CLIP2: variants seen among roughly 807,000 people sequenced by gnomAD.
CLIP2 encodes CAP-Gly domain containing linker protein 2.
In CLIP2, 41 loss-of-function variants were observed where a neutral mutation model predicts 111.7. That is an observed-to-expected ratio of 0.37 (90% CI 0.29 to 0.48). The LOEUF (loss-of-function observed/expected upper bound fraction) is 0.48, where lower values mean the gene tolerates loss of function less well. CLIP2 is among the 20% of genes least tolerant of loss of function. The probability of loss-of-function intolerance (pLI) is 0.99; values close to 1 mark genes in which losing one functional copy is unlikely to be tolerated. For missense variants in CLIP2, 1,160 were observed against 1,422.1 expected (o/e 0.82, Z 2.96); for synonymous variants, 660 against 644.2 (o/e 1.02, Z -0.37).
intron 7 of CLIP2, among the ~76,000 whole-genome samples, chr7:74,363,093 C>A (rs1180976136): frequency 6.6e-6 from 1 of 152,048 alleles, no homozygotes; most frequent in Non-Finnish European, 1.5e-5. Context: ...CAACCTCTGC[C>A]TTTTGGGTTC....
chr7:74,390,661 C>T (rs1791269364), intron 13 of CLIP2, among the ~76,000 whole-genome samples: 1 of 150,024 alleles, frequency 6.7e-6, no homozygotes, highest in Admixed American at 6.8e-5. Context: ...GCAGTAAGAC[C>T]CTGTCTCAAA....
At chr7:74,347,354 C>T (rs563575932) in intron 3 of CLIP2, among the ~76,000 whole-genome samples, 12 of 152,254 alleles carry the variant, frequency 7.9e-5, no homozygotes, top group African/African-American at 2.4e-4. Context: ...CTGCAAGCTC[C>T]GCCTCCCGGG....
chr7:74,306,428 C>T (rs984454544), intron 1 of CLIP2, among the ~76,000 whole-genome samples: 9 of 152,176 alleles, frequency 5.9e-5, no homozygotes, highest in African/African-American at 2.2e-4. Context: ...GGGAGAGAGC[C>T]ACGTCCGGGG....
At chr7:74,393,762 A>C (rs1463759568) in intron 13 of CLIP2, among the ~76,000 whole-genome samples, 2 of 152,230 alleles carry the variant, frequency 1.3e-5, no homozygotes, top group Non-Finnish European at 2.9e-5. Context: ...CATTTGCTAC[A>C]AATCTAACAC....
chr7:74,299,179 A>G (rs1388090434), intron 1 of CLIP2, among the ~76,000 whole-genome samples: 1 of 152,054 alleles, frequency 6.6e-6, no homozygotes, highest in African/African-American at 2.4e-5. Context: ...AAAAAATACA[A>G]AAATTAGCCA....
chr7:74,401,738 C>G (rs1791626959), intron 16 of CLIP2, 171 bp downstream of exon 16: 2 of 738,208 alleles, frequency 2.7e-6, no homozygotes, highest in South Asian at 1.5e-5. Flanking sequence ...CAGATTCACC[C>G]TGCTCTTTTT....
At chr7:74,386,779 T>G (rs575415509) in intron 12 of CLIP2, among the ~76,000 whole-genome samples, 175 bp downstream of exon 12, 189 of 151,952 alleles carry the variant, frequency 1.2e-3, no homozygotes, top group Middle Eastern at 3.4e-3. Context: ...TCCCAGCACT[T>G]TGGGAGTCCG....
At chr7:74,311,090 C>T (rs1477190288) in intron 1 of CLIP2, among the ~76,000 whole-genome samples, 3 of 151,888 alleles carry the variant, frequency 2.0e-5, no homozygotes, top group Non-Finnish European at 2.9e-5. Context: ...CGCCATTCTC[C>T]TGCCTCAGCC....
intron 1 of CLIP2, among the ~76,000 whole-genome samples, chr7:74,305,944 C>T (rs930364619): frequency 9.3e-5 from 14 of 149,772 alleles, no homozygotes; most frequent in Non-Finnish European, 1.3e-4. Context: ...TGTGGGGGAC[C>T]CCTGGCTTGG....
At chr7:74,322,406 G>A (rs1324285549) in intron 2 of CLIP2, among the ~76,000 whole-genome samples, 1 of 149,110 alleles carries the variant, frequency 6.7e-6, no homozygotes, top group African/African-American at 2.5e-5. Flanking sequence ...AGGAGTTCGA[G>A]ACCAGCCTGG....
Position 74,289,460 on chromosome 7 carries a change from C to T in CLIP2, c.-342C>T, listed in dbSNP as rs1157709962. The T allele has an allele frequency of 2.0e-5, 3 of 151,036 alleles. No individual in the cohort carries two copies. Among genetic ancestry groups the T allele is most frequent in the African/African-American group, 7.2e-5 (3 of 41,438 alleles). 9.4% of individuals were successfully genotyped at this position (151,036 alleles called of 1,614,324 possible). On this transcript the variant is annotated 5_prime_UTR_variant, in exon 1 of 17. Transcript: ENST00000223398. The stretch of plus-strand genomic sequence containing the variant: ...CTGGCTCCGCTGGCTCCGCTGGCTC[C>T]GCGGGCGCTCAGCTCGGCTCGGCCG...
At chr7:74,295,450 A>C (rs1369993645) in intron 1 of CLIP2, among the ~76,000 whole-genome samples, 5 of 151,972 alleles carry the variant, frequency 3.3e-5, no homozygotes, top group African/African-American at 1.2e-4. Context: ...CGGCGGGGAG[A>C]AGTAACGTTG....
In CLIP2 at chr7:74,304,994, C is replaced by T. The variant is rs1262859997; in HGVS notation, c.-67-12486C>T. On this transcript the variant is annotated intron_variant, in intron 1 of 16. Coordinates refer to ENST00000223398, the MANE Select transcript of CLIP2 (RefSeq NM_003388.5). Reference sequence around the variant, plus strand: ...AATAAATAAATAAATAAATAAAGTCCCCAGTTACCCCACCCCAGTCCCCTC... The same window carrying T: ...AATAAATAAATAAATAAATAAAGTCTCCAGTTACCCCACCCCAGTCCCCTC... Among the ~76,000 whole-genome samples, 7 of 151,238 alleles carry T rather than the reference C, an allele frequency of 4.6e-5. No individual in the cohort carries two copies. The South Asian group carries it at 1.5e-3, about 32-fold the overall frequency.
intron 1 of CLIP2, among the ~76,000 whole-genome samples, chr7:74,316,291 CTG>C (rs1272592192): frequency 6.6e-6 from 1 of 152,122 alleles, no homozygotes; most frequent in Non-Finnish European, 1.5e-5. Flanking sequence ...GTCACCCAGG[CTG>C]GAGTGCAGTG....
intron 1 of CLIP2, among the ~76,000 whole-genome samples, chr7:74,298,790 C>T (rs973108181): frequency 1.3e-5 from 2 of 152,104 alleles, no homozygotes; most frequent in Non-Finnish European, 1.5e-5. Context: ...CCGCCAGCCT[C>T]GGCCTCCCAA....
intron 11 of CLIP2, among the ~76,000 whole-genome samples, chr7:74,383,906 TC>T (rs1791010973): frequency 6.6e-6 from 1 of 152,024 alleles, no homozygotes; most frequent in Non-Finnish European, 1.5e-5. Flanking sequence ...CATCCTCCTC[TC>T]CCCCCAGCCC....
intron 7 of CLIP2, among the ~76,000 whole-genome samples, chr7:74,362,528 C>CTTTTTT (rs3044338): frequency 0.02 from 2,467 of 121,340 alleles, 1 homozygote; most frequent in Non-Finnish European, 0.024. Flanking sequence ...TTTTTCTTTT[C>CTTTTTT]TTTTTTTTTT....
In CLIP2 at chr7:74,317,630, T is replaced by C; in HGVS notation, c.84T>C (p.Ala28=). 6.6e-7 allele frequency: 1 copy of C among 1,524,314 alleles called. No individual in the cohort carries two copies. Among genetic ancestry groups the C allele is most frequent in the Non-Finnish European group, 8.9e-7 (1 of 1,129,928 alleles). The allele number at this position is 1,524,314 out of a possible 1,614,324, so 94.4% of individuals were successfully genotyped here. Reference sequence around the variant, plus strand: ...TGGGCCGGACATCTACTGGGTCAGCTTCATCCTCGGCGGCGGTGGCCGCTA... The same window carrying C: ...TGGGCCGGACATCTACTGGGTCAGCCTCATCCTCGGCGGCGGTGGCCGCTA... ...SPMGRTSTGS[A]SSSAAVAASS... is the part of the protein sequence containing the mutation. Residue 28 remains alanine (A), a synonymous_variant, in exon 2 of 17, where the codon GCT becomes GCC. Coordinates refer to ENST00000223398, the MANE Select transcript of CLIP2 (RefSeq NM_003388.5).
At chr7:74,353,405 C>G (rs1310658233) in intron 3 of CLIP2, among the ~76,000 whole-genome samples, 1 of 152,048 alleles carries the variant, frequency 6.6e-6, no homozygotes, top group African/African-American at 2.4e-5. Context: ...TGCCCACCAC[C>G]AGGCCCGGCT....
Sources: gnomAD v4.1 joint callset for allele counts (sites outside exome capture counted in the v4.1 genomes callset) on GRCh38, gnomAD v4.1.1 for gene constraint, MANE v1.5 for transcripts, NCBI Gene and HGNC (gene_info 2026-07-23, HGNC 2026-07-21) for gene names.